TSHZ2: variants seen among roughly 807,000 people sequenced by gnomAD.
The protein encoded by TSHZ2 is teashirt homolog 2.
TSHZ2 carries 21 observed loss-of-function variants against 74.4 expected under a neutral mutation model. The ratio of observed to expected loss-of-function variants is 0.28; its 90% CI spans 0.20 to 0.41. The LOEUF is 0.41. Among genes scored for constraint, TSHZ2 ranks in the 10% least tolerant of loss-of-function variants. The probability of loss-of-function intolerance (pLI) is 1.00; values close to 1 mark genes in which losing one functional copy is unlikely to be tolerated. For missense variants in TSHZ2, 1,244 were observed against 1,293.5 expected (o/e 0.96, Z 0.59); for synonymous variants, 540 against 515.3 (o/e 1.05, Z -0.65).
At chr20:53,286,489 G>A (rs1216409180) in intron 2 of TSHZ2, among the ~76,000 whole-genome samples, 2 of 152,176 alleles carry the variant, frequency 1.3e-5, no homozygotes, top group African/African-American at 2.4e-5. Context: ...TTGATTGGAG[G>A]TGTCACCTTT....
At chr20:52,988,430 G>A (rs1981853620) in intron 1 of TSHZ2, among the ~76,000 whole-genome samples, 1 of 152,154 alleles carries the variant, frequency 6.6e-6, no homozygotes, top group African/African-American at 2.4e-5. Flanking sequence ...CAGAGTCCAA[G>A]CTCTCAGACA....
Position 53,012,805 on chromosome 20 carries a change from G to A in TSHZ2, c.40+39472G>A, listed in dbSNP as rs115093965. On this transcript the variant is annotated intron_variant, in intron 1 of 2. Transcript: ENST00000371497. ...TCTCAGACTGCCTTGGCCCTTCCCG[G>A]CTTCTCTCTCTGTCCCTCGCACCTG... 4.1e-3 allele frequency among the ~76,000 whole-genome samples: 628 copies of A among 152,152 alleles called. 4 individuals carry two copies. The highest frequency in any genetic ancestry group is 0.014 in the African/African-American group (588 of 41,516).
chr20:53,282,605 C>T (rs1224924522), intron 2 of TSHZ2, among the ~76,000 whole-genome samples: 1 of 152,194 alleles, frequency 6.6e-6, no homozygotes, highest in African/African-American at 2.4e-5. Context: ...CCGAATGGAC[C>T]TCAGAAAGGT....
intron 1 of TSHZ2, chr20:53,168,570 A>T (rs1044115560): frequency 6.6e-6 from 1 of 152,230 alleles, no homozygotes. Flanking sequence ...ACTCTGAAAG[A>T]TGTTTTTGCT....
chr20:53,097,024 G>A (rs951985708), intron 1 of TSHZ2, among the ~76,000 whole-genome samples: 1 of 152,142 alleles, frequency 6.6e-6, no homozygotes, highest in Non-Finnish European at 1.5e-5. Context: ...ATTCTCTATT[G>A]CAGAGGACTG....
chr20:53,005,397 C>T (rs779082773), intron 1 of TSHZ2, among the ~76,000 whole-genome samples: 16 of 152,224 alleles, frequency 1.1e-4, no homozygotes, highest in African/African-American at 1.7e-4. Context: ...CTGGAGAAAA[C>T]GTGTAGATGT....
At chr20:53,054,514 G>A (rs1984576156) in intron 1 of TSHZ2, among the ~76,000 whole-genome samples, 1 of 152,164 alleles carries the variant, frequency 6.6e-6, no homozygotes, top group Non-Finnish European at 1.5e-5. Flanking sequence ...ACTTTAAAAT[G>A]TCAGAGCCCA....
At chr20:53,073,486 G>A (rs1985264477) in intron 1 of TSHZ2, among the ~76,000 whole-genome samples, 1 of 151,920 alleles carries the variant, frequency 6.6e-6, no homozygotes, top group Non-Finnish European at 1.5e-5. Context: ...TTACACATAT[G>A]GATAGAGACA....
At chr20:53,415,923 A>C (rs1983238999) in intron 2 of TSHZ2, among the ~76,000 whole-genome samples, 1 of 152,186 alleles carries the variant, frequency 6.6e-6, no homozygotes, top group South Asian at 2.1e-4. Flanking sequence ...TTATATTGAC[A>C]TTTTGAAACA....
chr20:53,079,547 G>A (rs1476408263), intron 1 of TSHZ2, among the ~76,000 whole-genome samples: 3 of 152,302 alleles, frequency 2.0e-5, no homozygotes, highest in East Asian at 3.9e-4. Context: ...AATCAGGAAT[G>A]CAGAGACTTC....
At chr20:53,170,483 T>C (rs1009851604) in intron 1 of TSHZ2, among the ~76,000 whole-genome samples, 1 of 152,216 alleles carries the variant, frequency 6.6e-6, no homozygotes, top group Non-Finnish European at 1.5e-5. Flanking sequence ...CTTGACAACC[T>C]TGACGCTATT....
At chr20:53,043,880 T>C (rs1405886345) in intron 1 of TSHZ2, among the ~76,000 whole-genome samples, 1 of 152,136 alleles carries the variant, frequency 6.6e-6, no homozygotes, top group South Asian at 2.1e-4. Context: ...TCTGGAAATA[T>C]TAAATTGCTT....
intron 2 of TSHZ2, among the ~76,000 whole-genome samples, chr20:53,278,261 T>C (rs1990984698): frequency 6.6e-6 from 1 of 152,260 alleles, no homozygotes; most frequent in South Asian, 2.1e-4. Flanking sequence ...TAAGCCATCT[T>C]CTCACTTTCC....
chr20:53,468,776 T>C (rs6022497), intron 2 of TSHZ2, among the ~76,000 whole-genome samples: 2,306 of 147,220 alleles, frequency 0.016, 68 homozygotes, highest in African/African-American at 0.054. Flanking sequence ...TCATGAAACA[T>C]ACATCATGCA....
At chr20:53,132,669 GTAT>G (rs1219824137) in intron 1 of TSHZ2, among the ~76,000 whole-genome samples, 15 of 152,056 alleles carry the variant, frequency 9.9e-5, no homozygotes, top group Non-Finnish European at 2.1e-4. Flanking sequence ...CTCCTTCCTA[GTAT>G]TATACCACCT....
chr20:53,209,990 T>C (rs1458031987), intron 1 of TSHZ2, among the ~76,000 whole-genome samples: 1 of 152,234 alleles, frequency 6.6e-6, no homozygotes, highest in Non-Finnish European at 1.5e-5. Context: ...TACAAATGCG[T>C]TTCAATTTGG....
At chr20:53,159,346 A>C (rs1008191206) in intron 1 of TSHZ2, among the ~76,000 whole-genome samples, 1 of 152,212 alleles carries the variant, frequency 6.6e-6, no homozygotes, top group African/African-American at 2.4e-5. Context: ...ATAAAGTTTT[A>C]TTGGCACACA....
intron 2 of TSHZ2, among the ~76,000 whole-genome samples, chr20:53,473,157 A>T (rs1985880485): frequency 1.4e-5 from 2 of 146,880 alleles, no homozygotes; most frequent in African/African-American, 5.1e-5. Context: ...AGCCCACCAC[A>T]GCTCAAGGAG....
At chr20:53,385,115 G>A (rs965017826) in intron 2 of TSHZ2, among the ~76,000 whole-genome samples, 4 of 152,022 alleles carry the variant, frequency 2.6e-5, no homozygotes, top group Admixed American at 6.6e-5. Flanking sequence ...GCAAGACTCC[G>A]TCTCAAAAAA....
Sources: allele counts gnomAD v4.1 joint callset (sites outside exome capture counted in the v4.1 genomes callset), GRCh38; gene constraint gnomAD v4.1.1; transcripts MANE v1.5; gene names NCBI Gene and HGNC (gene_info 2026-07-23, HGNC 2026-07-21).